CEP55: variants seen among roughly 807,000 people sequenced by gnomAD.
The protein encoded by CEP55 is centrosomal protein of 55 kDa.
A neutral mutation model predicts 63.2 loss-of-function variants in CEP55; 57 were observed. The ratio of observed to expected loss-of-function variants is 0.90; its 90% confidence interval spans 0.73 to 1.13. The LOEUF (loss-of-function observed/expected upper bound fraction) is 1.13. CEP55 is among the 50% of genes most tolerant of loss of function. The pLI is 0.00. For missense variants in CEP55, 456 were observed against 518.9 expected, an observed-to-expected ratio of 0.88 and a Z score of 1.18; for synonymous variants, 178 against 191.6, an observed-to-expected ratio of 0.93 and a Z score of 0.59.
In CEP55 at chr10:93,515,390, CAT is replaced by C. The variant is rs2057793078; in HGVS notation, c.529-14_529-13del. ...TTTTATTTTACTGTTGATTTTCTTTCATCTTCCCATTAAGGCTCTGGAGAAAA... is the reference window on the plus strand; with the variant it reads ...TTTTATTTTACTGTTGATTTTCTTTCCTTCCCATTAAGGCTCTGGAGAAAA... On this transcript the variant is annotated splice_polypyrimidine_tract_variant and intron_variant, in intron 4 of 8. Transcript: ENST00000371485. 6.4e-7 allele frequency: 1 copy of C among 1,565,802 alleles called. No homozygotes were observed. Among genetic ancestry groups the C allele is most frequent in the African/African-American group, 1.4e-5 (1 of 73,168 alleles).
chr10:93,528,069 G>C lies in CEP55; in HGVS notation c.1311G>C (p.Leu437=), dbSNP rs1179168835. ...CCACTGCTGCACTCAATGAAAGCCT[G>C]GTGGAATGTCCCAAGTGCAATATAC... ...KSPTAALNES[L]VECPKCNIQY... is the part of the protein sequence containing the mutation. The change falls in exon 9 of 9, where the codon CTG becomes CTC. Residue 437 remains leucine, a synonymous_variant. Transcript: ENST00000371485. The C allele has an allele frequency of 7.4e-6, 12 of 1,613,880 alleles. No homozygotes were observed. In the African/African-American group the frequency reaches 1.2e-4, roughly 16 times the overall value.
At chr10:93,508,351 C>A (rs552131282) in intron 4 of CEP55, among the ~76,000 whole-genome samples, 1 of 152,206 alleles carries the variant, frequency 6.6e-6, no homozygotes, top group African/African-American at 2.4e-5. Context: ...TAAGCATGTT[C>A]TTAAGATTTC....
chr10:93,517,387 A>T, intron 6 of CEP55, 139 bp downstream of exon 6: 1 of 611,302 alleles, frequency 1.6e-6, no homozygotes, highest in Non-Finnish European at 2.7e-6. Context: ...GAACAGAAAC[A>T]GACCATAAAC....
chr10:93,523,502 A>AC (rs1216097593), intron 8 of CEP55, among the ~76,000 whole-genome samples: 2 of 152,134 alleles, frequency 1.3e-5, no homozygotes, highest in African/African-American at 4.8e-5. Context: ...AGACTTTAAC[A>AC]CCCCACTGTC....
At chr10:93,506,748 A>G (rs1174287146) in intron 3 of CEP55, among the ~76,000 whole-genome samples, 1 of 151,912 alleles carries the variant, frequency 6.6e-6, no homozygotes, top group African/African-American at 2.4e-5. Context: ...TTCTTTTTGT[A>G]TTTTTAGTAG....
chr10:93,528,197 T>G lies in CEP55; in HGVS notation c.*44T>G. On this transcript the variant is annotated 3_prime_UTR_variant, in exon 9 of 9. Coordinates refer to ENST00000371485, the MANE Select transcript of CEP55 (RefSeq NM_018131.5). ...TGATATTAAAAGATTCAATACTGTA[T>G]TTTCTGTTAGCTTGTGGGCATTTTG... 6.5e-7 allele frequency: 1 copy of G among 1,528,908 alleles called. No individual in the cohort carries two copies. Among genetic ancestry groups the G allele is most frequent in the Non-Finnish European group, 9.0e-7 (1 of 1,107,036 alleles). The allele number at this position is 1,528,908 out of a possible 1,614,324, so 94.7% of individuals were successfully genotyped here.
chr10:93,501,963 T>C (rs1009488461), intron 2 of CEP55, among the ~76,000 whole-genome samples: 1 of 152,230 alleles, frequency 6.6e-6, no homozygotes, highest in Non-Finnish European at 1.5e-5. Context: ...TTAAACTTCC[T>C]ATAACTTCTA....
In CEP55 at chr10:93,506,319, T is replaced by C. The variant is rs1212689519; in HGVS notation, c.460-669T>C. ...TTTTGTTTGACAATTTAATGTCTTC[T>C]AGGTGTCATTTAAATAGCCTAGTTG... On this transcript the variant is annotated intron_variant, in intron 3 of 8. Coordinates refer to ENST00000371485, the MANE Select transcript of CEP55 (RefSeq NM_018131.5). Among the ~76,000 whole-genome samples, 8 of 152,252 alleles carry C rather than the reference T, an allele frequency of 5.3e-5. No homozygotes were observed. The East Asian group carries it at 1.5e-3, about 29-fold the overall frequency.
intron 8 of CEP55, among the ~76,000 whole-genome samples, chr10:93,526,834 C>T (rs1259227229): frequency 6.6e-6 from 1 of 151,910 alleles, no homozygotes; most frequent in Non-Finnish European, 1.5e-5. Context: ...ATCACAAGGA[C>T]AAAAAATCAA....
In CEP55 at chr10:93,526,680, AACC is replaced by A. The variant is rs1409519398; in HGVS notation, c.1192-1269_1192-1267del. ...TTCACAATAGCAAAGACTTGGAACC[AACC>A]CAAATGTCCAACAACGATAGACTGG... On this transcript the variant is annotated intron_variant, in intron 8 of 8. Coordinates refer to ENST00000371485, the MANE Select transcript of CEP55 (RefSeq NM_018131.5). 2.4e-3 allele frequency among the ~76,000 whole-genome samples: 363 copies of A among 152,302 alleles called. 2 individuals carry two copies. Among genetic ancestry groups the A allele is most frequent in the Middle Eastern group, 6.8e-3 (2 of 294 alleles).
At chr10:93,508,872 T>A (rs10748603) in intron 4 of CEP55, among the ~76,000 whole-genome samples, 65,714 of 152,046 alleles carry the variant, frequency 0.43, 14,832 homozygotes, top group East Asian at 0.85. Flanking sequence ...CTCATCACAT[T>A]CTACAGCTAA....
chr10:93,523,656 G>A (rs1201613656), intron 8 of CEP55, among the ~76,000 whole-genome samples: 45 of 152,118 alleles, frequency 3.0e-4, no homozygotes, highest in South Asian at 1.7e-3. Flanking sequence ...GCACCACACC[G>A]CACTTATTCC....
intron 8 of CEP55, among the ~76,000 whole-genome samples, chr10:93,524,117 C>T (rs1424972238): frequency 6.6e-6 from 1 of 151,872 alleles, no homozygotes; most frequent in Non-Finnish European, 1.5e-5. Context: ...GATAGAGACA[C>T]AAAAAAACTT....
chr10:93,527,455 T>TA (rs1342678768), intron 8 of CEP55, among the ~76,000 whole-genome samples: 3 of 152,230 alleles, frequency 2.0e-5, no homozygotes, highest in African/African-American at 4.8e-5. Context: ...TTACAGTAGT[T>TA]ATCTGGATAA....
intron 8 of CEP55, among the ~76,000 whole-genome samples, chr10:93,524,637 A>AAG (rs780417523): frequency 6.2e-4 from 94 of 152,318 alleles, no homozygotes; most frequent in Non-Finnish European, 1.0e-3. Flanking sequence ...ACACAACAAA[A>AAG]AAAGAGAATT....
chr10:93,527,874 G>T, intron 8 of CEP55, 76 bp from the exon 9 acceptor site: 1 of 1,234,454 alleles, frequency 8.1e-7, no homozygotes, highest in Non-Finnish European at 1.1e-6. Flanking sequence ...GAGTGAGACT[G>T]CCTCAAAAAA....
intron 8 of CEP55, among the ~76,000 whole-genome samples, chr10:93,520,605 C>T (rs1485738764): frequency 2.0e-5 from 3 of 151,868 alleles, no homozygotes; most frequent in African/African-American, 7.3e-5. Flanking sequence ...TTTTCACTTA[C>T]TTATTCTCAC....
intron 8 of CEP55, among the ~76,000 whole-genome samples, chr10:93,520,515 G>C (rs2057850194): frequency 6.6e-6 from 1 of 151,928 alleles, no homozygotes; most frequent in East Asian, 1.9e-4. Context: ...TGTATTATGA[G>C]GTTTGTGTGA....
intron 1 of CEP55, among the ~76,000 whole-genome samples, chr10:93,498,268 C>G (rs10882249): frequency 0.52 from 79,496 of 151,750 alleles, 22,956 homozygotes; most frequent in Non-Finnish European, 0.65. Flanking sequence ...GTCATTCATT[C>G]ACTGCCAGAG....
Sources: gnomAD v4.1 joint callset for allele counts (sites outside exome capture counted in the v4.1 genomes callset) on GRCh38, gnomAD v4.1.1 for gene constraint, MANE v1.5 for transcripts, NCBI Gene and HGNC (gene_info 2026-07-23, HGNC 2026-07-21) for gene names.